The following C12orf42 variants were observed in gnomAD, a reference collection of about 807,000 sequenced individuals.
C12orf42 encodes uncharacterized protein C12orf42.
C12orf42 carries 25 observed loss-of-function variants against 21.6 expected under a neutral mutation model. The observed-to-expected ratio is 1.16, with a 90% CI of 0.84 to 1.62. The LOEUF is 1.62. Among genes scored for constraint, C12orf42 ranks in the 40% most tolerant of loss-of-function variants. C12orf42 has a pLI of 0.00. For synonymous variants in C12orf42, 174 were observed against 175.0 expected, an observed-to-expected ratio of 0.99 and a Z score of 0.05; for missense variants, 483 against 459.3, an observed-to-expected ratio of 1.05 and a Z score of -0.47.
chr12:103,195,602 TTGTC>T, the C12orf42 span, among the ~76,000 whole-genome samples: 2 of 152,062 alleles, frequency 1.3e-5, no homozygotes, highest in South Asian at 2.1e-4. Context: ...CTTTTGCAAA[TTGTC>T]TGTTCATGTC....
chr12:103,122,107 A>G, the C12orf42 span, among the ~76,000 whole-genome samples: 13 of 152,342 alleles, frequency 8.5e-5, no homozygotes, highest in African/African-American at 3.1e-4. Flanking sequence ...GCCAGGCTGG[A>G]GGAAGAACTG....
At chr12:103,445,551 T>C (rs1379921484) in intron 2 of C12orf42, among the ~76,000 whole-genome samples, 2 of 152,050 alleles carry the variant, frequency 1.3e-5, no homozygotes, top group African/African-American at 4.8e-5. Context: ...TGACTGGCCA[T>C]CAGCATAGGT....
In C12orf42 at chr12:103,311,929, TATC is replaced by T. The variant is rs374210649; in HGVS notation, c.260-5587_260-5585del. Among the ~76,000 whole-genome samples the T allele has an allele frequency of 2.5e-3, 376 of 152,300 alleles. 3 individuals carry two copies. The highest frequency in any genetic ancestry group is 8.6e-3 in the African/African-American group (358 of 41,570). On this transcript the variant is annotated intron_variant, in intron 4 of 5. Transcript: ENST00000548883. ...ACTCATCAGAGATTTCAGGTGCTAT[TATC>T]ATTTTTATTCAGTCAAACAATCATG...
chr12:103,448,995 A>T (rs10861017), intron 2 of C12orf42, among the ~76,000 whole-genome samples: 1 of 151,776 alleles, frequency 6.6e-6, no homozygotes, highest in African/African-American at 2.4e-5. Context: ...ACTTGCACAC[A>T]CATGTTTATA....
chr12:103,173,502 T>G, the C12orf42 span, among the ~76,000 whole-genome samples: 1 of 152,176 alleles, frequency 6.6e-6, no homozygotes, highest in African/African-American at 2.4e-5. Context: ...GCAGACTTTC[T>G]GAGATCTTAC....
At chr12:103,293,201 T>C (rs561172546) in intron 4 of C12orf42, among the ~76,000 whole-genome samples, 17 of 152,124 alleles carry the variant, frequency 1.1e-4, no homozygotes, top group Non-Finnish European at 5.9e-5. Flanking sequence ...GGTCTCCTCT[T>C]TCTCTCCTCC....
At chr12:103,226,637 C>T in the C12orf42 span, among the ~76,000 whole-genome samples, 2 of 152,138 alleles carry the variant, frequency 1.3e-5, no homozygotes, top group South Asian at 2.1e-4. Context: ...ACTGTAAGCC[C>T]GACCAGGTGT....
Position 103,301,999 on chromosome 12 carries a change from C to T in C12orf42, c.*109G>A, listed in dbSNP as rs1445547411. 1.2e-5 allele frequency: 15 copies of T among 1,248,840 alleles called. No homozygotes were observed. Among genetic ancestry groups the T allele is most frequent in the Non-Finnish European group, 1.6e-5 (14 of 898,328 alleles). The allele number at this position is 1,248,840 out of a possible 1,614,324, so 77.4% of individuals were successfully genotyped here. A position where few individuals can be genotyped will look rare whatever the true frequency, so the allele number is the denominator to read the frequency against. On this transcript the variant is annotated 3_prime_UTR_variant, in exon 6 of 6. Coordinates refer to ENST00000548883, the MANE Select transcript of C12orf42 (RefSeq NM_198521.5). ...TAGGTTCAAAAATGCTTCACAAAAG[C>T]CTAACAATGGTTCTGTGGAAACCAG...
At chr12:103,430,596 A>G (rs1156951903) in intron 2 of C12orf42, among the ~76,000 whole-genome samples, 3 of 152,266 alleles carry the variant, frequency 2.0e-5, no homozygotes, top group African/African-American at 7.2e-5. Context: ...CATTTGACTC[A>G]GCAAACCCAT....
chr12:103,171,486 G>A, the C12orf42 span, among the ~76,000 whole-genome samples: 1 of 152,162 alleles, frequency 6.6e-6, no homozygotes, highest in African/African-American at 2.4e-5. Context: ...TGTTAAGAAG[G>A]AGTATTTTGT....
the C12orf42 span, chr12:103,505,009 T>C: frequency 4.8e-6 from 1 of 206,210 alleles, no homozygotes; most frequent in Non-Finnish European, 1.1e-5. Flanking sequence ...ATGGGAATGC[T>C]GTGTTCTGAG....
the C12orf42 span, among the ~76,000 whole-genome samples, chr12:103,052,388 A>G: frequency 2.6e-5 from 4 of 152,138 alleles, no homozygotes; most frequent in Admixed American, 2.6e-4. Flanking sequence ...TTCTAAAGGA[A>G]GTATAGTGGT....
intron 2 of C12orf42, among the ~76,000 whole-genome samples, chr12:103,404,041 G>C (rs988575717): frequency 5.3e-5 from 8 of 152,194 alleles, no homozygotes; most frequent in Non-Finnish European, 1.5e-5. Context: ...GCAGTCCTGA[G>C]ATTTCTGTTC....
chr12:103,424,030 G>A (rs1317222595), intron 2 of C12orf42, among the ~76,000 whole-genome samples: 1 of 152,176 alleles, frequency 6.6e-6, no homozygotes, highest in African/African-American at 2.4e-5. Context: ...TTGTGTATTG[G>A]ATGACATTTG....
At chr12:103,200,771 T>C in the C12orf42 span, among the ~76,000 whole-genome samples, 1 of 152,212 alleles carries the variant, frequency 6.6e-6, no homozygotes, top group African/African-American at 2.4e-5. Flanking sequence ...TAAATATAAC[T>C]AAGTTTTAGG....
At chr12:103,538,988 C>G in the C12orf42 span, among the ~76,000 whole-genome samples, 1 of 151,974 alleles carries the variant, frequency 6.6e-6, no homozygotes, top group Non-Finnish European at 1.5e-5. Flanking sequence ...CTCAGAAAAG[C>G]GAAGAAGGCA....
At chr12:103,256,071 A>ATATAT (rs2034560349) in intron 10 of C12orf42, among the ~76,000 whole-genome samples, 1 of 51,222 alleles carries the variant, frequency 2.0e-5, no homozygotes, top group African/African-American at 6.9e-5. Context: ...AAAAAAAAAA[A>ATATAT]AAAAAAAAAA....
chr12:103,118,305 A>G, the C12orf42 span, among the ~76,000 whole-genome samples: 5 of 152,170 alleles, frequency 3.3e-5, no homozygotes, highest in Non-Finnish European at 4.4e-5. Flanking sequence ...AATGAATGAA[A>G]CAATGAATGG....
At chr12:103,401,713 A>G (rs1372024492) in intron 2 of C12orf42, 38 bp from the exon 3 acceptor site, 6 of 1,568,808 alleles carry the variant, frequency 3.8e-6, no homozygotes, top group Non-Finnish European at 4.4e-6. Flanking sequence ...TATCACTTCA[A>G]TAATTCTTAC....
Sources: gnomAD v4.1 joint callset for allele counts (sites outside exome capture counted in the v4.1 genomes callset) on GRCh38, gnomAD v4.1.1 for gene constraint, MANE v1.5 for transcripts, NCBI Gene and HGNC (gene_info 2026-07-23, HGNC 2026-07-21) for gene names.